FAM83F: variants seen among roughly 807,000 people sequenced by gnomAD.
FAM83F encodes scaffolding CK1 anchoring protein F.
FAM83F carries 45 observed loss-of-function variants against 42.9 expected under a neutral mutation model. That is an observed-to-expected ratio of 1.05 (90% confidence interval 0.83 to 1.35). The LOEUF (loss-of-function observed/expected upper bound fraction) is 1.35. Ranked by LOEUF, FAM83F falls within the 40% of genes most tolerant of loss-of-function variation. The pLI is 0.00. For synonymous variants in FAM83F, 306 were observed against 298.3 expected (o/e 1.03, Z -0.27); for missense variants, 617 against 695.9 (o/e 0.89, Z 1.28).
At position 39,995,353 on chromosome 22, in the gene FAM83F, C is replaced by T; in HGVS notation, c.311C>T (p.Ser104Phe). 3.2e-6 allele frequency: 5 copies of T among 1,543,086 alleles called. No individual in the cohort carries two copies. Among genetic ancestry groups the T allele is most frequent in the Non-Finnish European group, 4.4e-6 (5 of 1,146,498 alleles). Reference sequence around the variant, plus strand: ...CCGGCGCCGGCTGAGTCCGGCGAGTCCCTGGCCTACTGGCCCGACCGTTCC... The same window carrying T: ...CCGGCGCCGGCTGAGTCCGGCGAGTTCCTGGCCTACTGGCCCGACCGTTCC... ...PAPAPAESGE[S>F]LAYWPDRSDT... The change falls in exon 1 of 5, where the codon TCC (serine) becomes TTC (phenylalanine). Residue 104 changes from serine (S) to phenylalanine (F), a missense_variant. Ser to Phe is a radical substitution (Grantham distance 155). Transcript: ENST00000333407. This position sits in a 1 kb window ranked among gnomAD's most constrained non-coding sequence, Gnocchi z 4.6.
intron 4 of FAM83F, among the ~76,000 whole-genome samples, chr22:40,022,765 T>C (rs1469084814): frequency 6.6e-6 from 1 of 152,130 alleles, no homozygotes; most frequent in Non-Finnish European, 1.5e-5. Flanking sequence ...GTGGGGTTTC[T>C]CCCTCCATCG....
chr22:40,026,136 A>T (rs937818314), intron 4 of FAM83F, among the ~76,000 whole-genome samples: 1 of 152,200 alleles, frequency 6.6e-6, no homozygotes, highest in African/African-American at 2.4e-5. Flanking sequence ...CCAGGGAGAA[A>T]GGGCAGTGTG....
chr22:40,008,688 G>A (rs994973299), intron 1 of FAM83F, among the ~76,000 whole-genome samples: 2 of 152,188 alleles, frequency 1.3e-5, no homozygotes, highest in Non-Finnish European at 2.9e-5. Context: ...TGCTGAATTC[G>A]AGTCTTTGAG....
Position 39,994,982 on chromosome 22 carries a change from G to T in FAM83F, c.-61G>T. 1.6e-6 allele frequency: 2 copies of T among 1,216,916 alleles called. No individual in the cohort carries two copies. The highest frequency in any genetic ancestry group is 2.0e-6 in the Non-Finnish European group (2 of 979,770). The allele number at this position is 1,216,916 out of a possible 1,614,324, so 75.4% of individuals were successfully genotyped here. On this transcript the variant is annotated 5_prime_UTR_variant, in exon 1 of 5. Coordinates refer to ENST00000333407, the MANE Select transcript of FAM83F (RefSeq NM_138435.4). ...CCGCCCCTCGGCGGCTCCAGGTGCG[G>T]CTGTGGGACCTCGGACCGCGGCGGG...
intron 1 of FAM83F, among the ~76,000 whole-genome samples, chr22:40,002,508 C>T (rs1449908509): frequency 6.6e-6 from 1 of 152,162 alleles, no homozygotes; most frequent in African/African-American, 2.4e-5. Flanking sequence ...TGAAGGTTCA[C>T]GGTAGCAAAG....
At chr22:40,006,152 A>C (rs1267176224) in intron 1 of FAM83F, among the ~76,000 whole-genome samples, 1 of 151,944 alleles carries the variant, frequency 6.6e-6, no homozygotes, top group African/African-American at 2.4e-5. Context: ...GGGCAGGAAA[A>C]TTGCTTGAGC....
intron 1 of FAM83F, among the ~76,000 whole-genome samples, chr22:40,008,972 C>G (rs1489760877): frequency 6.6e-6 from 1 of 152,196 alleles, no homozygotes; most frequent in African/African-American, 2.4e-5. Flanking sequence ...TGGGAGACAG[C>G]AGTTTGACCT....
intron 1 of FAM83F, among the ~76,000 whole-genome samples, chr22:40,011,492 A>G (rs1158589518): frequency 6.6e-6 from 1 of 152,162 alleles, no homozygotes; most frequent in Non-Finnish European, 1.5e-5. Context: ...TTTATCTCCC[A>G]CATGCTGTCT....
At chr22:40,018,605 A>AG (rs1555968323) in intron 1 of FAM83F, among the ~76,000 whole-genome samples, 2 of 135,528 alleles carry the variant, frequency 1.5e-5, no homozygotes, top group Non-Finnish European at 3.2e-5. Context: ...CGCCTGGCTA[A>AG]TTTTTTTTTT....
At chr22:39,996,192 G>T (rs574606392) in intron 1 of FAM83F, among the ~76,000 whole-genome samples, 1 of 152,322 alleles carries the variant, frequency 6.6e-6, no homozygotes, top group South Asian at 2.1e-4. Flanking sequence ...CTCAGGAAAG[G>T]GCTCCTACTT....
chr22:40,030,509 T>G lies in FAM83F; in HGVS notation c.*944T>G, dbSNP rs1204285992. ...AACTCTAACGGGGTCCTCGGACCCC[T>G]TCACCAACCAGGGCTTCCAGGTTAC... On this transcript the variant is annotated 3_prime_UTR_variant, in exon 5 of 5. Transcript: ENST00000333407. The G allele has an allele frequency of 6.6e-6, 1 of 152,252 alleles. No individual in the cohort carries two copies. The highest frequency in any genetic ancestry group is 1.5e-5 in the Non-Finnish European group (1 of 68,102). The allele number at this position is 152,252 out of a possible 1,614,324, so 9.4% of individuals were successfully genotyped here. A position where few individuals can be genotyped will look rare whatever the true frequency, so the allele number is the denominator to read the frequency against.
rs2067600810 is a variant in FAM83F, at chr22:40,033,293, C to T, written c.*3728C>T. ...AGAGACAGGGTTTCACTATGTTGGT[C>T]AGGCTGATCTTGAACTCCCGGCCTC... is the stretch of plus-strand genomic sequence containing the variant. On this transcript the variant is annotated 3_prime_UTR_variant, in exon 5 of 5. Coordinates refer to ENST00000333407, the MANE Select transcript of FAM83F (RefSeq NM_138435.4). The T allele has an allele frequency of 6.6e-6, 1 of 152,168 alleles. No individual in the cohort carries two copies. Among genetic ancestry groups the T allele is most frequent in the Non-Finnish European group, 1.5e-5 (1 of 68,056 alleles). 9.4% of individuals were successfully genotyped at this position (152,168 alleles called of 1,614,324 possible). A position where few individuals can be genotyped will look rare whatever the true frequency, so the allele number is the denominator to read the frequency against.
Position 40,006,315 on chromosome 22 carries a change from G to C in FAM83F, c.489+10784G>C, listed in dbSNP as rs114408178. 7.6e-3 allele frequency among the ~76,000 whole-genome samples: 1,149 copies of C among 152,138 alleles called. 18 individuals carry two copies. The highest frequency in any genetic ancestry group is 0.026 in the African/African-American group (1,098 of 41,524). On this transcript the variant is annotated intron_variant, in intron 1 of 4. Coordinates refer to ENST00000333407, the MANE Select transcript of FAM83F (RefSeq NM_138435.4). ...TTGATGGACCAGGACTCAGGCCCAA[G>C]CCACATCTCAGCTCCCCAAGGGAAG...
chr22:40,026,870 G>A lies in FAM83F; in HGVS notation c.1454-2646G>A, dbSNP rs8141187. On this transcript the variant is annotated intron_variant, in intron 4 of 4. Transcript: ENST00000333407. ...TTCTCCTGTGTCATCCCTTGGGGCC[G>A]CAGGTCTCAGATCTCTCTCTTGCTC... Among the ~76,000 whole-genome samples the A allele has an allele frequency of 2.0e-3, 300 of 152,280 alleles. 1 individual carries two copies. The highest frequency in any genetic ancestry group is 7.0e-3 in the African/African-American group (289 of 41,544).
At chr22:40,007,700 TTCCTCTCCTCTCTTCCTCCTGTCCTCC>T (rs1407437718) in intron 1 of FAM83F, among the ~76,000 whole-genome samples, 1 of 130,496 alleles carries the variant, frequency 7.7e-6, no homozygotes, top group Admixed American at 7.4e-5. Context: ...TCCTCCTCAT[TTCCTCTCCTCTCTTCCTCCTGTCCTCC>T]TCCTCTCCTC....
At chr22:40,007,746 C>G (rs369102720) in intron 1 of FAM83F, among the ~76,000 whole-genome samples, 1 of 151,976 alleles carries the variant, frequency 6.6e-6, no homozygotes. Flanking sequence ...TCCTCTCTCC[C>G]CAGGGTATGT....
chr22:39,995,589 G>C lies in FAM83F; in HGVS notation c.489+58G>C, dbSNP rs1359864296. 2 of 1,466,266 alleles carry C rather than the reference G, an allele frequency of 1.4e-6. No individual in the cohort carries two copies. Among genetic ancestry groups the C allele is most frequent in the Non-Finnish European group, 1.8e-6 (2 of 1,104,892 alleles). 90.8% of individuals were successfully genotyped at this position (1,466,266 alleles called of 1,614,324 possible). The stretch of plus-strand genomic sequence containing the variant: ...GACCTCGGCCCCAGTCCCCTGGACC[G>C]GGCCCCACCTCCCAGGCAGGGCCCG... On this transcript the variant is annotated intron_variant, in intron 1 of 4. Coordinates refer to ENST00000333407, the MANE Select transcript of FAM83F (RefSeq NM_138435.4). The surrounding 1 kb of genome is among the most constrained non-coding windows in gnomAD (Gnocchi z 4.6).
At chr22:40,014,917 AACTC>A (rs1365308939) in intron 1 of FAM83F, among the ~76,000 whole-genome samples, 1 of 152,208 alleles carries the variant, frequency 6.6e-6, no homozygotes, top group Admixed American at 6.5e-5. Context: ...AAGTGGGAAT[AACTC>A]TTTCTCAAAA....
chr22:40,033,361 A>G lies in FAM83F; in HGVS notation c.*3796A>G, dbSNP rs9607683. 0.26 allele frequency: 39,100 copies of G among 152,224 alleles called. 5,634 individuals are homozygous for G. The highest frequency in any genetic ancestry group is 0.38 in the African/African-American group (15,800 of 41,490). 9.4% of individuals were successfully genotyped at this position (152,224 alleles called of 1,614,324 possible). A position where few individuals can be genotyped will look rare whatever the true frequency, so the allele number is the denominator to read the frequency against. On this transcript the variant is annotated 3_prime_UTR_variant, in exon 5 of 5. Coordinates refer to ENST00000333407, the MANE Select transcript of FAM83F (RefSeq NM_138435.4). ...TGGCCTCCCAAACTGCTGGGATTAC[A>G]GGCATGAGCCACCACGCCCAGCCTG...
Sources: gnomAD v4.1 joint callset for allele counts (sites outside exome capture counted in the v4.1 genomes callset) on GRCh38, gnomAD v4.1.1 for gene constraint, Gnocchi (gnomAD v3.1) non-coding constraint, MANE v1.5 for transcripts, NCBI Gene and HGNC (gene_info 2026-07-23, HGNC 2026-07-21) for gene names.